The following PABPC4L variants were observed in gnomAD, a reference collection of about 807,000 sequenced individuals.
PABPC4L encodes poly(A) binding protein cytoplasmic 4 like.
For synonymous variants in PABPC4L, 169 were observed against 164.1 expected, an observed-to-expected ratio of 1.03 and a Z score of -0.23; for missense variants, 452 against 451.4, an observed-to-expected ratio of 1.00 and a Z score of -0.01.
At chr4:134,144,048 A>G in the PABPC4L span, among the ~76,000 whole-genome samples, 1 of 151,616 alleles carries the variant, frequency 6.6e-6, no homozygotes, top group Non-Finnish European at 1.5e-5. Flanking sequence ...CACTCAGTCA[A>G]AGGCTGAAAT....
At chr4:134,171,466 G>A in the PABPC4L span, among the ~76,000 whole-genome samples, 1 of 152,058 alleles carries the variant, frequency 6.6e-6, no homozygotes, top group Non-Finnish European at 1.5e-5. Context: ...ACTTTTAAAT[G>A]GGGCTGTTTT....
At chr4:134,101,095 A>G in the PABPC4L span, among the ~76,000 whole-genome samples, 1 of 151,600 alleles carries the variant, frequency 6.6e-6, no homozygotes. Context: ...TAAAGGCTTA[A>G]ATAATAATTA....
the PABPC4L span, among the ~76,000 whole-genome samples, chr4:134,026,421 T>A: frequency 6.6e-6 from 1 of 152,068 alleles, no homozygotes; most frequent in Non-Finnish European, 1.5e-5. Context: ...TTTTTTTTAG[T>A]AGAGATGGGG....
the PABPC4L span, among the ~76,000 whole-genome samples, chr4:134,056,917 A>C: frequency 1.3e-5 from 2 of 152,022 alleles, no homozygotes; most frequent in Non-Finnish European, 2.9e-5. Context: ...TTCCAGTTTT[A>C]TGCTGAATAA....
At chr4:134,000,657 A>G in the PABPC4L span, among the ~76,000 whole-genome samples, 1 of 152,130 alleles carries the variant, frequency 6.6e-6, no homozygotes, top group Non-Finnish European at 1.5e-5. Flanking sequence ...TGAATTGGCG[A>G]CTGAGTACAG....
chr4:133,959,904 CG>C, the PABPC4L span, among the ~76,000 whole-genome samples: 1 of 152,072 alleles, frequency 6.6e-6, no homozygotes, highest in Non-Finnish European at 1.5e-5. Context: ...AATTGGCTGA[CG>C]TATTTAAAAT....
chr4:134,133,780 T>C, the PABPC4L span, among the ~76,000 whole-genome samples: 1 of 151,946 alleles, frequency 6.6e-6, no homozygotes, highest in South Asian at 2.1e-4. Context: ...AAAGAACTTA[T>C]TCATGTAATG....
At chr4:134,161,545 C>T in the PABPC4L span, among the ~76,000 whole-genome samples, 1 of 151,954 alleles carries the variant, frequency 6.6e-6, no homozygotes, top group Non-Finnish European at 1.5e-5. Context: ...AAAGAAATCC[C>T]AACTTAGAAT....
chr4:134,116,230 A>T, the PABPC4L span, among the ~76,000 whole-genome samples: 1 of 151,788 alleles, frequency 6.6e-6, no homozygotes, highest in African/African-American at 2.4e-5. Flanking sequence ...GTTAACTGGT[A>T]GTGTTCAAAG....
At chr4:134,160,264 G>A in the PABPC4L span, among the ~76,000 whole-genome samples, 127 of 152,220 alleles carry the variant, frequency 8.3e-4, 1 homozygote, top group African/African-American at 2.6e-3. Flanking sequence ...AGGCAGCCCA[G>A]TGCAGAGAGA....
chr4:134,191,415 A>G (rs1281828856), downstream of PABPC4L, among the ~76,000 whole-genome samples: 1 of 152,180 alleles, frequency 6.6e-6, no homozygotes, highest in Non-Finnish European at 1.5e-5. Context: ...CACATGAAGC[A>G]TTCCTCAGAA....
rs1428751059 is a variant in PABPC4L at position 134,200,714 on chromosome 4, G to GA, written c.305dup (p.Lys103GlnfsTer9). On this transcript the variant is annotated frameshift_variant, in exon 2 of 2. Coordinates refer to ENST00000421491, the MANE Select transcript of PABPC4L (RefSeq NM_001114734.2). LOFTEE classifies it low-confidence loss of function (END_TRUNC). ...TATCGATAGATTTGTCCAGATTCTTGATGAATACGTTCCCAATTCCAGATC... is the reference window on the plus strand; with the variant it reads ...TATCGATAGATTTGTCCAGATTCTTGAATGAATACGTTCCCAATTCCAGATC... 6.4e-7 allele frequency: 1 copy of GA among 1,551,680 alleles called. No homozygotes were observed.
chr4:134,162,258 T>C, the PABPC4L span, among the ~76,000 whole-genome samples: 3 of 151,958 alleles, frequency 2.0e-5, no homozygotes, highest in Non-Finnish European at 4.4e-5. Flanking sequence ...GAAGCCACAA[T>C]AGTAAAACCA....
At chr4:133,967,733 C>G in the PABPC4L span, among the ~76,000 whole-genome samples, 2 of 152,078 alleles carry the variant, frequency 1.3e-5, no homozygotes, top group African/African-American at 4.8e-5. Context: ...TGAACAAAGG[C>G]TAGAATCAGG....
chr4:134,023,651 T>C, the PABPC4L span, among the ~76,000 whole-genome samples: 5 of 152,088 alleles, frequency 3.3e-5, no homozygotes, highest in Admixed American at 3.3e-4. Context: ...GAATTATATT[T>C]TTTTAAAAAA....
At chr4:134,158,169 A>T in the PABPC4L span, among the ~76,000 whole-genome samples, 1 of 151,940 alleles carries the variant, frequency 6.6e-6, no homozygotes, top group African/African-American at 2.4e-5. Context: ...TTGAAGTAAT[A>T]TCTTTCACTC....
At chr4:134,034,828 T>G in the PABPC4L span, among the ~76,000 whole-genome samples, 2 of 152,002 alleles carry the variant, frequency 1.3e-5, no homozygotes, top group Non-Finnish European at 2.9e-5. Context: ...ATGTGAACAC[T>G]GTTGAAATGA....
chr4:134,065,598 C>T, the PABPC4L span, among the ~76,000 whole-genome samples: 2 of 152,046 alleles, frequency 1.3e-5, no homozygotes, highest in African/African-American at 2.4e-5. Context: ...GTTCCTTTTG[C>T]TGTGCAGAAG....
the PABPC4L span, among the ~76,000 whole-genome samples, chr4:134,159,437 G>A: frequency 6.6e-6 from 1 of 152,124 alleles, no homozygotes; most frequent in Non-Finnish European, 1.5e-5. Flanking sequence ...ATTGCCTACA[G>A]GACCCCTCCC....
Sources: gnomAD v4.1 joint callset for allele counts (sites outside exome capture counted in the v4.1 genomes callset) on GRCh38, gnomAD v4.1.1 for gene constraint, MANE v1.5 for transcripts, NCBI Gene and HGNC (gene_info 2026-07-23, HGNC 2026-07-21) for gene names.